Variants in NECTIN4 observed in about 807,000 individuals in gnomAD.
The protein encoded by NECTIN4 is nectin cell adhesion molecule 4.
In NECTIN4, 19 loss-of-function variants were observed where a neutral mutation model predicts 51.7. The ratio of observed to expected loss-of-function variants is 0.37; its 90% CI spans 0.26 to 0.54. The LOEUF (loss-of-function observed/expected upper bound fraction) is 0.54, where lower values mean the gene tolerates loss of function less well. Among genes scored for constraint, NECTIN4 ranks in the 20% least tolerant of loss-of-function variants. The pLI is 0.86. For missense variants in NECTIN4, 619 were observed against 662.4 expected (o/e 0.93, Z 0.72); for synonymous variants, 283 against 286.9 (o/e 0.99, Z 0.14).
At chr1:161,082,679 G>A (rs530250623) in intron 1 of NECTIN4, among the ~76,000 whole-genome samples, 4 of 152,192 alleles carry the variant, frequency 2.6e-5, no homozygotes, top group Non-Finnish European at 4.4e-5. Flanking sequence ...GCCCTGACCT[G>A]CCTAAGCTAA....
rs368022064 is a variant in NECTIN4 at position 161,079,854 on chromosome 1, C to G, written c.175G>C (p.Gly59Arg). The change falls in exon 2 of 9, where the codon GGC becomes CGC. Residue 59 changes from glycine to arginine, a missense_variant. This residue lies in a region of NECTIN4 where 218 missense variants were observed against 186.3 expected (regional missense o/e 1.17). Transcript: ENST00000368012. Reference protein sequence around the residue: ...KLPCFYRGDSGEQVGQVAWAR... With the variant: ...KLPCFYRGDSREQVGQVAWAR... The stretch of plus-strand genomic sequence containing the variant: ...CATGCCACTTGCCCCACTTGCTCGC[C>G]GGAGTCCCCTCGGTAGAAGCAGGGC... The G allele has an allele frequency of 1.2e-6, 2 of 1,613,816 alleles. No individual in the cohort carries two copies. The highest frequency in any genetic ancestry group is 2.7e-5 in the African/African-American group (2 of 74,936).
chr1:161,088,238 A>G (rs969187697), intron 1 of NECTIN4, among the ~76,000 whole-genome samples: 1 of 152,106 alleles, frequency 6.6e-6, no homozygotes, highest in African/African-American at 2.4e-5. Context: ...TTGCTGGGCA[A>G]CAGAGGCTCC....
At chr1:161,074,565 G>A (rs1653325393) in intron 5 of NECTIN4, 46 bp downstream of exon 5, 1 of 1,611,322 alleles carries the variant, frequency 6.2e-7, no homozygotes, top group Admixed American at 1.7e-5. Context: ...CCCCCACCAA[G>A]CCCTTGGCCC....
In NECTIN4 at chr1:161,089,389, G is replaced by T; in HGVS notation, c.-93C>A. 8.5e-7 allele frequency: 1 copy of T among 1,177,012 alleles called. No homozygotes were observed. Among genetic ancestry groups the T allele is most frequent in the Non-Finnish European group, 1.2e-6 (1 of 805,668 alleles). The allele number at this position is 1,177,012 out of a possible 1,614,324, so 72.9% of individuals were successfully genotyped here. ...CTTGAATAAGGAACTGACCCAGAAGGCAGGAAGCTGCAGAGTTCTTGCCTC... is the reference window on the plus strand; with the variant it reads ...CTTGAATAAGGAACTGACCCAGAAGTCAGGAAGCTGCAGAGTTCTTGCCTC... On this transcript the variant is annotated 5_prime_UTR_variant, in exon 1 of 9. Transcript: ENST00000368012. The surrounding 1 kb of genome is among the most constrained non-coding windows in gnomAD (Gnocchi z 4.1).
At position 161,072,657 on chromosome 1, in the gene NECTIN4, T is replaced by G. The variant is rs535222169; in HGVS notation, c.*4A>C. The G allele has an allele frequency of 6.2e-6, 10 of 1,613,338 alleles. No individual in the cohort carries two copies. In the South Asian group the frequency reaches 1.1e-4, roughly 18 times the overall value. ...CAGGCCTAGGGAAGGGAGGCAGGCCTGGGTCAGACCAGGTGTCCCCGCCCA... is the reference window on the plus strand; with the variant it reads ...CAGGCCTAGGGAAGGGAGGCAGGCCGGGGTCAGACCAGGTGTCCCCGCCCA... On this transcript the variant is annotated 3_prime_UTR_variant, in exon 9 of 9. Transcript: ENST00000368012.
At chr1:161,083,714 A>G (rs1022253763) in intron 1 of NECTIN4, among the ~76,000 whole-genome samples, 9 of 152,134 alleles carry the variant, frequency 5.9e-5, no homozygotes, top group African/African-American at 2.2e-4. Context: ...AACAGGCCCA[A>G]CTGGCCAGAC....
intron 4 of NECTIN4, among the ~76,000 whole-genome samples, chr1:161,075,120 C>T (rs1305333490): frequency 6.6e-6 from 1 of 152,224 alleles, no homozygotes; most frequent in Admixed American, 6.5e-5. Flanking sequence ...ATGTGACTGC[C>T]TGCTCCAACA....
In NECTIN4 at chr1:161,071,869, A is replaced by T. The variant is rs1220841550; in HGVS notation, c.*792T>A. 6.6e-6 allele frequency: 1 copy of T among 152,032 alleles called. No individual in the cohort carries two copies. The highest frequency in any genetic ancestry group is 1.9e-4 in the East Asian group (1 of 5,196). The allele number at this position is 152,032 out of a possible 1,614,324, so 9.4% of individuals were successfully genotyped here. A position where few individuals can be genotyped will look rare whatever the true frequency, so the allele number is the denominator to read the frequency against. ...AAAAAATAAAAATAAAAATAAATAA[A>T]AAATACAACTAATGGAAAGGGCAAG... On this transcript the variant is annotated 3_prime_UTR_variant, in exon 9 of 9. Coordinates refer to ENST00000368012, the MANE Select transcript of NECTIN4 (RefSeq NM_030916.3).
rs927292524 is a variant in NECTIN4 at position 161,073,282 on chromosome 1, C to T, written c.1251G>A (p.Gly417=). 6.2e-7 allele frequency: 1 copy of T among 1,614,084 alleles called. No homozygotes were observed. The highest frequency in any genetic ancestry group is 1.7e-5 in the Admixed American group (1 of 60,014). ...DPRSQPEESV[G]LRAEGHPDSL... ...TATCAGGGTGGCCCTCGGCTCTCAG[C>T]CCTACACTCTCCTCCGGCTGCAGGG... Residue 417 remains glycine (G), a synonymous_variant, in exon 8 of 9, where the codon GGG becomes GGA. Transcript: ENST00000368012.
In NECTIN4 at chr1:161,072,366, C is replaced by A; in HGVS notation, c.*295G>T. 2.0e-6 allele frequency: 1 copy of A among 507,764 alleles called. No homozygotes were observed. The highest frequency in any genetic ancestry group is 3.6e-6 in the Non-Finnish European group (1 of 276,954). The allele number at this position is 507,764 out of a possible 1,614,324, so 31.5% of individuals were successfully genotyped here. ...GACTCTGATATGACAGCATAATACA[C>A]ACCACGGACACAGTCACCCCTCCAC... On this transcript the variant is annotated 3_prime_UTR_variant, in exon 9 of 9. Coordinates refer to ENST00000368012, the MANE Select transcript of NECTIN4 (RefSeq NM_030916.3).
intron 7 of NECTIN4, 49 bp downstream of exon 7, chr1:161,073,671 C>G (rs1159734770): frequency 6.7e-7 from 1 of 1,492,206 alleles, no homozygotes. Flanking sequence ...ACAAGCAGAC[C>G]CCAATGCGAC....
chr1:161,071,290 G>A lies in NECTIN4; in HGVS notation c.*1371C>T, dbSNP rs1175581335. The A allele has an allele frequency of 6.6e-6, 1 of 152,104 alleles. No homozygotes were observed. The highest frequency in any genetic ancestry group is 6.5e-5 in the Admixed American group (1 of 15,268). 9.4% of individuals were successfully genotyped at this position (152,104 alleles called of 1,614,324 possible). A position where few individuals can be genotyped will look rare whatever the true frequency, so the allele number is the denominator to read the frequency against. On this transcript the variant is annotated 3_prime_UTR_variant, in exon 9 of 9. Coordinates refer to ENST00000368012, the MANE Select transcript of NECTIN4 (RefSeq NM_030916.3). ...CCCCAACCCAGAGAAACATCCAGAA[G>A]AGCCTTGAATTAGTGATCCAAAACC...
At chr1:161,072,991 GT>G in intron 8 of NECTIN4, 106 bp from the exon 9 acceptor site, 1 of 1,175,562 alleles carries the variant, frequency 8.5e-7, no homozygotes. Flanking sequence ...GTAAGCAGGG[GT>G]AACGGTTGCC....
Position 161,073,735 on chromosome 1 carries a change from C to G in NECTIN4, c.1218G>C (p.Thr406=). Residue 406 remains threonine, a synonymous_variant, in exon 7 of 9, where the codon ACG becomes ACC. Coordinates refer to ENST00000368012, the MANE Select transcript of NECTIN4 (RefSeq NM_030916.3). Reference sequence around the variant, plus strand: ...TGGCACACACCTGGCTCCTGGGGTCCGTGTGATGGGAATGCAGCCTCCGGA... The same window carrying G: ...TGGCACACACCTGGCTCCTGGGGTCGGTGTGATGGGAATGCAGCCTCCGGA... ...NSIRRLHSHH[T]DPRSQPEESV... 1 of 1,614,136 alleles carries G rather than the reference C, an allele frequency of 6.2e-7. No individual in the cohort carries two copies. Among genetic ancestry groups the G allele is most frequent in the South Asian group, 1.1e-5 (1 of 91,090 alleles).
rs138908816 is a variant in NECTIN4 at position 161,084,079 on chromosome 1, G to A, written c.80-4130C>T. On this transcript the variant is annotated intron_variant, in intron 1 of 8. Coordinates refer to ENST00000368012, the MANE Select transcript of NECTIN4 (RefSeq NM_030916.3). ...TGGGTCTGTGAGAAGGAGGAAGGGA[G>A]TAAGTATGAGTTTTTTGTGTATGGG... is the stretch of plus-strand genomic sequence containing the variant. Among the ~76,000 whole-genome samples, 235 of 152,356 alleles carry A rather than the reference G, an allele frequency of 1.5e-3. 9 individuals are homozygous for A. The East Asian group carries it at 0.038, about 25-fold the overall frequency.
chr1:161,087,533 AT>A (rs1654003086), intron 1 of NECTIN4: 1 of 150,818 alleles, frequency 6.6e-6, no homozygotes, highest in African/African-American at 2.4e-5. Flanking sequence ...GTGCACTCAA[AT>A]GTACTATTCT....
intron 1 of NECTIN4, among the ~76,000 whole-genome samples, chr1:161,083,238 C>G (rs1653780080): frequency 6.6e-6 from 1 of 152,212 alleles, no homozygotes; most frequent in Non-Finnish European, 1.5e-5. Context: ...ACATCTCAGC[C>G]TGAGGCAACA....
At chr1:161,088,602 A>C (rs553432214) in intron 1 of NECTIN4, among the ~76,000 whole-genome samples, 1 of 152,140 alleles carries the variant, frequency 6.6e-6, no homozygotes, top group South Asian at 2.1e-4. Flanking sequence ...CCACCCTGGC[A>C]CCTAATATTG....
rs372314841 is a variant in NECTIN4, at chr1:161,086,452, C to T, written c.79+2766G>A. 3.3e-5 allele frequency among the ~76,000 whole-genome samples: 5 copies of T among 152,328 alleles called. No homozygotes were observed. In the East Asian group the frequency reaches 5.8e-4, roughly 18 times the overall value. ...GTAGAAAAGTAAGGATGGGCCCCTC[C>T]CTTTCAAGGAAATTAACCTCAGACA... On this transcript the variant is annotated intron_variant, in intron 1 of 8. Coordinates refer to ENST00000368012, the MANE Select transcript of NECTIN4 (RefSeq NM_030916.3).
Sources: gnomAD v4.1 joint callset for allele counts (sites outside exome capture counted in the v4.1 genomes callset) on GRCh38, gnomAD v4.1.1 for gene constraint, gnomAD v4.1.1 regional missense constraint, Gnocchi (gnomAD v3.1) non-coding constraint, MANE v1.5 for transcripts, NCBI Gene and HGNC (gene_info 2026-07-23, HGNC 2026-07-21) for gene names.